ABCB4: variants seen among roughly 807,000 people sequenced by gnomAD.
The protein encoded by ABCB4 is ATP binding cassette subfamily B member 4, also known as phosphatidylcholine translocator ABCB4.
Under a neutral mutation model 145.7 loss-of-function variants are expected in ABCB4, and 76 were observed. The ratio of observed to expected loss-of-function variants is 0.52; its 90% confidence interval spans 0.43 to 0.63. The LOEUF is 0.63. Among genes scored for constraint, ABCB4 ranks in the 30% least tolerant of loss-of-function variants. ABCB4 has a pLI of 0.00. For synonymous variants in ABCB4, 517 were observed against 566.8 expected, an observed-to-expected ratio of 0.91 and a Z score of 1.25; for missense variants, 1,234 against 1,553.1, an observed-to-expected ratio of 0.79 and a Z score of 3.45.
chr7:87,374,090 G>A, the ABCB4 span, among the ~76,000 whole-genome samples: 1 of 152,010 alleles, frequency 6.6e-6, no homozygotes, highest in African/African-American at 2.4e-5. Context: ...AAGCCAGACT[G>A]TGTGGGTTAT....
chr7:87,452,378 C>CTTTT (rs528084596), intron 6 of ABCB4: 3 of 134,756 alleles, frequency 2.2e-5, no homozygotes, highest in Non-Finnish European at 4.7e-5. Flanking sequence ...TTGCTTTTCC[C>CTTTT]TTTTTTTTTT....
chr7:87,372,936 A>T, the ABCB4 span, among the ~76,000 whole-genome samples: 2 of 152,142 alleles, frequency 1.3e-5, no homozygotes, highest in Non-Finnish European at 2.9e-5. Flanking sequence ...TGCTGCCGTG[A>T]CTATTGTATA....
Position 87,444,913 on chromosome 7 carries a change from A to C in ABCB4, c.1068T>G (p.Ala356=), listed in dbSNP as rs1360190766. 1 of 1,609,080 alleles carries C rather than the reference A, an allele frequency of 6.2e-7. No individual in the cohort carries two copies. The highest frequency in any genetic ancestry group is 1.3e-5 in the African/African-American group (1 of 74,916). Reference sequence around the variant, plus strand: ...ATGCTGCTCCTCTTGCATTGGCAAAAGCATCAATACATGGGGCAGCCTGGC... The same window carrying C: ...ATGCTGCTCCTCTTGCATTGGCAAACGCATCAATACATGGGGCAGCCTGGC... ...SVGQAAPCID[A]FANARGAAYV... is the part of the protein sequence containing the mutation. Residue 356 remains alanine (A), a synonymous_variant, in exon 10 of 28, where the codon GCT becomes GCG. Coordinates refer to ENST00000649586, the MANE Select transcript of ABCB4 (RefSeq NM_000443.4).
chr7:87,429,546 A>G (rs1050446334), intron 15 of ABCB4, among the ~76,000 whole-genome samples: 11 of 152,218 alleles, frequency 7.2e-5, no homozygotes, highest in African/African-American at 2.7e-4. Context: ...GGTCATTCTT[A>G]CAAGAGCTTA....
the ABCB4 span, chr7:87,392,928 TC>T: frequency 6.2e-7 from 1 of 1,613,006 alleles, no homozygotes; most frequent in South Asian, 1.1e-5. Context: ...AGTAAAATGT[TC>T]TTTTATTGTG....
At chr7:87,419,116 C>T (rs1382975858) in intron 19 of ABCB4, among the ~76,000 whole-genome samples, 1 of 152,112 alleles carries the variant, frequency 6.6e-6, no homozygotes, top group Non-Finnish European at 1.5e-5. Flanking sequence ...CAGTTAGCCA[C>T]AGGGATAAAA....
chr7:87,385,137 C>CT, the ABCB4 span, among the ~76,000 whole-genome samples: 65 of 143,614 alleles, frequency 4.5e-4, no homozygotes, highest in Admixed American at 1.3e-3. Context: ...ATACCTCAAG[C>CT]TTTTTTTTTT....
At chr7:87,367,787 A>G in the ABCB4 span, among the ~76,000 whole-genome samples, 1 of 152,122 alleles carries the variant, frequency 6.6e-6, no homozygotes. Context: ...CCATCTTAAA[A>G]GGAAAACAAT....
the ABCB4 span, chr7:87,377,497 T>G: frequency 1.8e-6 from 2 of 1,083,004 alleles, no homozygotes; most frequent in Middle Eastern, 2.6e-4. Flanking sequence ...TTAGGTTAAA[T>G]TAATGACAAT....
chr7:87,469,839 G>T (rs1813232275), intron 3 of ABCB4, among the ~76,000 whole-genome samples: 2 of 152,154 alleles, frequency 1.3e-5, no homozygotes, highest in African/African-American at 4.8e-5. Flanking sequence ...AGCTACCAAT[G>T]ACTTTCTTCA....
intron 2 of ABCB4, among the ~76,000 whole-genome samples, chr7:87,473,373 A>G (rs1251781424): frequency 6.6e-6 from 1 of 152,086 alleles, no homozygotes; most frequent in Admixed American, 6.5e-5. Context: ...CTCTGCTCCA[A>G]CCAGCCTGGA....
chr7:87,386,627 C>G, the ABCB4 span, among the ~76,000 whole-genome samples: 2 of 152,062 alleles, frequency 1.3e-5, no homozygotes, highest in South Asian at 4.1e-4. Context: ...TGTAAAAGTT[C>G]AGATTGCTTA....
At chr7:87,381,966 A>C in the ABCB4 span, 3 of 1,609,678 alleles carry the variant, frequency 1.9e-6, no homozygotes, top group Non-Finnish European at 2.5e-6. Flanking sequence ...TGGATGAGAA[A>C]ATTTTTCAGA....
intron 14 of ABCB4, among the ~76,000 whole-genome samples, chr7:87,439,231 T>C (rs16885816): frequency 0.017 from 2,601 of 152,240 alleles, 77 homozygotes; most frequent in African/African-American, 0.059. Flanking sequence ...GAACTTTATT[T>C]CCAGAAAAGC....
At chr7:87,379,442 C>T in the ABCB4 span, among the ~76,000 whole-genome samples, 1 of 152,166 alleles carries the variant, frequency 6.6e-6, no homozygotes, top group East Asian at 1.9e-4. Context: ...TCAATCTCAT[C>T]AAGAATAACT....
At chr7:87,451,876 C>T (rs1811756033) in intron 6 of ABCB4, 82 bp from the exon 7 acceptor site, 1 of 1,391,466 alleles carries the variant, frequency 7.2e-7, no homozygotes, top group Admixed American at 1.7e-5. Context: ...AACACATAGA[C>T]AAGTAAAATT....
chr7:87,390,356 T>A, the ABCB4 span, among the ~76,000 whole-genome samples: 2 of 152,232 alleles, frequency 1.3e-5, no homozygotes, highest in Non-Finnish European at 2.9e-5. Flanking sequence ...ATTGCTAAGG[T>A]TCATTATTTC....
downstream of ABCB4, among the ~76,000 whole-genome samples, chr7:87,400,268 C>T (rs1255371070): frequency 6.6e-6 from 1 of 152,108 alleles, no homozygotes; most frequent in African/African-American, 2.4e-5. Context: ...AAAGAGTGGG[C>T]ACAGAGGGCA....
At position 87,440,725 on chromosome 7, in the gene ABCB4, A is replaced by C. The variant is rs369105736; in HGVS notation, c.1357-323T>G. Among the ~76,000 whole-genome samples, 3 of 152,196 alleles carry C rather than the reference A, an allele frequency of 2.0e-5. No individual in the cohort carries two copies. In the East Asian group the frequency reaches 5.8e-4, roughly 29 times the overall value. ...ACACTTACCTTCCTGGTCTACATAT[A>C]ATTTTGATAGCTTATGGTGTTCTGC... On this transcript the variant is annotated intron_variant, in intron 12 of 27. Coordinates refer to ENST00000649586, the MANE Select transcript of ABCB4 (RefSeq NM_000443.4).
Sources: gnomAD v4.1 joint callset for allele counts (sites outside exome capture counted in the v4.1 genomes callset) on GRCh38, gnomAD v4.1.1 for gene constraint, MANE v1.5 for transcripts, NCBI Gene and HGNC (gene_info 2026-07-23, HGNC 2026-07-21) for gene names.